The following RGL1 variants were observed in gnomAD, a reference collection of about 807,000 sequenced individuals.
RGL1 encodes the protein ral guanine nucleotide dissociation stimulator like 1.
RGL1 carries 24 observed loss-of-function variants against 95.2 expected under a neutral mutation model. The ratio of observed to expected loss-of-function variants is 0.25; its 90% CI spans 0.18 to 0.35. The LOEUF (loss-of-function observed/expected upper bound fraction) is 0.35, where lower values mean the gene tolerates loss of function less well. RGL1 is among the 10% of genes least tolerant of loss of function. RGL1 has a pLI of 1.00. For missense variants in RGL1, 715 were observed against 936.3 expected, an observed-to-expected ratio of 0.76 and a Z score of 3.08; for synonymous variants, 329 against 344.9, an observed-to-expected ratio of 0.95 and a Z score of 0.51.
intron 16 of RGL1, among the ~76,000 whole-genome samples, chr1:183,918,171 A>G (rs770342623): frequency 6.6e-6 from 1 of 152,226 alleles, no homozygotes; most frequent in African/African-American, 2.4e-5. Flanking sequence ...AGGTACCAGT[A>G]TGACATCAGA....
intron 1 of RGL1, among the ~76,000 whole-genome samples, chr1:183,675,629 A>G (rs1308975835): frequency 6.6e-6 from 1 of 152,184 alleles, no homozygotes; most frequent in Non-Finnish European, 1.5e-5. Flanking sequence ...ATCACCTGCA[A>G]GTGTTGGGAA....
intron 1 of RGL1, among the ~76,000 whole-genome samples, chr1:183,696,870 G>T (rs1307019580): frequency 6.6e-6 from 1 of 152,034 alleles, no homozygotes; most frequent in Non-Finnish European, 1.5e-5. Flanking sequence ...ACCAATTCTT[G>T]CCACCTTTAC....
At chr1:183,844,390 A>C (rs1664277123) in intron 2 of RGL1, among the ~76,000 whole-genome samples, 1 of 152,258 alleles carries the variant, frequency 6.6e-6, no homozygotes, top group Non-Finnish European at 1.5e-5. Context: ...AATTTTTCAA[A>C]GTATGTGCAT....
intron 1 of RGL1, among the ~76,000 whole-genome samples, chr1:183,655,881 T>C (rs1651119452): frequency 6.6e-6 from 1 of 152,164 alleles, no homozygotes. Context: ...AGAGACTGTT[T>C]AGATGCTCTA....
At chr1:183,753,472 G>A (rs74228150) in intron 2 of RGL1, among the ~76,000 whole-genome samples, 2,195 of 152,194 alleles carry the variant, frequency 0.014, 40 homozygotes, top group East Asian at 0.087. Flanking sequence ...GAGACTCTTG[G>A]CTAAGAGCAA....
rs1416639548 is a variant in RGL1, at chr1:183,668,939, T to C, written c.-33+32438T>C. Among the ~76,000 whole-genome samples, 79 of 142,786 alleles carry C rather than the reference T, an allele frequency of 5.5e-4. 3 individuals carry two copies. Among genetic ancestry groups the C allele is most frequent in the African/African-American group, 1.9e-3 (75 of 39,368 alleles). 93.7% of individuals were successfully genotyped at this position (142,786 alleles called of 152,430 possible). On this transcript the variant is annotated intron_variant, in intron 1 of 18. Coordinates refer to the RGL1 transcript ENST00000304685. ...TTGCTTTTGGTATTGGACTTTCTTT[T>C]CTTTTTTTTTTTTTTTGAGATGGAG...
intron 2 of RGL1, 66 bp from the exon 3 acceptor site, chr1:183,847,500 T>A: frequency 1.5e-6 from 2 of 1,340,556 alleles, no homozygotes; most frequent in Non-Finnish European, 2.1e-6. Context: ...TTCAACTATT[T>A]CAATGCTTCC....
intron 9 of RGL1, among the ~76,000 whole-genome samples, chr1:183,895,027 T>C (rs191100539): frequency 9.8e-5 from 15 of 152,316 alleles, no homozygotes; most frequent in African/African-American, 3.6e-4. Context: ...CAAATCTTGG[T>C]TCTCATGATT....
At chr1:183,924,108 C>G (rs1233872233) in intron 17 of RGL1, among the ~76,000 whole-genome samples, 1 of 152,174 alleles carries the variant, frequency 6.6e-6, no homozygotes. Context: ...CCAGCAATCC[C>G]ATTACTGGGT....
At chr1:183,859,144 C>G (rs1572513970) in intron 3 of RGL1, among the ~76,000 whole-genome samples, 2 of 152,296 alleles carry the variant, frequency 1.3e-5, no homozygotes, top group African/African-American at 4.8e-5. Context: ...AGTGTACTAA[C>G]AAGATGTGTT....
At chr1:183,746,336 A>T (rs1657625168) in intron 2 of RGL1, among the ~76,000 whole-genome samples, 1 of 152,126 alleles carries the variant, frequency 6.6e-6, no homozygotes. Flanking sequence ...ACACATGCAC[A>T]CACATATATA....
chr1:183,893,599 G>A (rs540712318), intron 9 of RGL1, among the ~76,000 whole-genome samples: 3 of 152,280 alleles, frequency 2.0e-5, no homozygotes, highest in Admixed American at 6.5e-5. Flanking sequence ...TAGGTTAGTC[G>A]ATCCTATAAG....
chr1:183,917,821 G>A (rs1381732130), intron 16 of RGL1, among the ~76,000 whole-genome samples: 1 of 152,226 alleles, frequency 6.6e-6, no homozygotes, highest in Non-Finnish European at 1.5e-5. Context: ...GCAGGCAATA[G>A]GGTCTTGTTG....
chr1:183,657,638 G>A (rs369751317), intron 1 of RGL1, among the ~76,000 whole-genome samples: 8,357 of 150,462 alleles, frequency 0.056, 294 homozygotes, highest in African/African-American at 0.13. Context: ...TTTTATGGCT[G>A]CATAGTATTC....
intron 1 of RGL1, among the ~76,000 whole-genome samples, chr1:183,674,864 T>C (rs934335171): frequency 2.0e-5 from 3 of 152,256 alleles, no homozygotes; most frequent in Non-Finnish European, 4.4e-5. Context: ...TCAATCATTC[T>C]GTCTTTATTT....
rs556657730 is a variant in RGL1 at position 183,783,038 on chromosome 1, G to A, written c.133-23337G>A. ...ATAACTGAATTTCTAAAAGATAACCGGGGGAGGGTAGAGCTGCATTCCCAG... is the reference window on the plus strand; with the variant it reads ...ATAACTGAATTTCTAAAAGATAACCAGGGGAGGGTAGAGCTGCATTCCCAG... On this transcript the variant is annotated intron_variant, in intron 2 of 18. Transcript: ENST00000304685. Among the ~76,000 whole-genome samples, 13 of 152,264 alleles carry A rather than the reference G, an allele frequency of 8.5e-5. No homozygotes were observed. In the East Asian group the frequency reaches 2.3e-3, roughly 27 times the overall value.
intron 2 of RGL1, among the ~76,000 whole-genome samples, chr1:183,747,161 G>T (rs954722148): frequency 1.3e-5 from 2 of 152,118 alleles, no homozygotes; most frequent in African/African-American, 4.8e-5. Context: ...GATCCTTTGG[G>T]TATATACCAA....
chr1:183,903,763 A>C (rs1668161381), intron 12 of RGL1, among the ~76,000 whole-genome samples: 1 of 152,218 alleles, frequency 6.6e-6, no homozygotes, highest in African/African-American at 2.4e-5. Flanking sequence ...CTTCCAGGAG[A>C]AAATGACGTT....
rs180749488 is a variant in RGL1 at position 183,878,645 on chromosome 1, G to A, written c.426-1971G>A. On this transcript the variant is annotated intron_variant, in intron 4 of 17. Transcript: ENST00000360851. ...TTTTTTAGTTTATGTACATTTGTAA[G>A]ACTTACTTTTTTGCAATAAATAATG... Among the ~76,000 whole-genome samples the A allele has an allele frequency of 4.0e-3, 611 of 152,310 alleles. 4 individuals carry two copies. The highest frequency in any genetic ancestry group is 0.014 in the African/African-American group (593 of 41,572).
Sources: gnomAD v4.1 joint callset for allele counts (sites outside exome capture counted in the v4.1 genomes callset) on GRCh38, gnomAD v4.1.1 for gene constraint, MANE v1.5 for transcripts, NCBI Gene and HGNC (gene_info 2026-07-23, HGNC 2026-07-21) for gene names.